The following AP3B1 variants were observed in gnomAD, a reference collection of about 807,000 sequenced individuals.
AP3B1 encodes the protein AP-3 complex subunit beta-1.
A neutral mutation model predicts 132.5 loss-of-function variants in AP3B1; 61 were observed. The ratio of observed to expected loss-of-function variants is 0.46; its 90% CI spans 0.37 to 0.57. AP3B1 has a LOEUF of 0.57. Among genes scored for constraint, AP3B1 ranks in the 20% least tolerant of loss-of-function variants. AP3B1 has a pLI of 0.00. For missense variants in AP3B1, 1,120 were observed against 1,289.4 expected (o/e 0.87, Z 2.01); for synonymous variants, 388 against 438.3 (o/e 0.89, Z 1.43).
At chr5:78,014,024 G>A (rs1481424138) in intron 26 of AP3B1, among the ~76,000 whole-genome samples, 2 of 152,134 alleles carry the variant, frequency 1.3e-5, no homozygotes, top group Non-Finnish European at 2.9e-5. Flanking sequence ...TTAGCCGGGC[G>A]TGGTGCCGGG....
chr5:78,181,094 C>G (rs779584862), intron 8 of AP3B1, among the ~76,000 whole-genome samples: 35 of 151,942 alleles, frequency 2.3e-4, no homozygotes, highest in Non-Finnish European at 4.6e-4. Flanking sequence ...TCAAGTACCC[C>G]CAATCACAAT....
intron 7 of AP3B1, among the ~76,000 whole-genome samples, chr5:78,193,766 ATATAT>A (rs1388347543): frequency 2.0e-5 from 2 of 98,306 alleles, no homozygotes; most frequent in African/African-American, 3.9e-5. Flanking sequence ...ATATATATAT[ATATAT>A]TTTTTTTTTA....
intron 7 of AP3B1, among the ~76,000 whole-genome samples, chr5:78,194,850 A>G (rs1047601288): frequency 1.3e-5 from 2 of 152,212 alleles, no homozygotes; most frequent in Admixed American, 6.5e-5. Context: ...TCCAATGGAA[A>G]ACTATTAAAT....
intron 1 of AP3B1, among the ~76,000 whole-genome samples, chr5:78,285,959 C>T (rs952257175): frequency 6.6e-6 from 1 of 152,154 alleles, no homozygotes; most frequent in Admixed American, 6.5e-5. Flanking sequence ...GTTCAAGAGG[C>T]AAAATGTCCC....
chr5:78,154,389 ACCTTTG>A (rs1743057084), intron 14 of AP3B1, among the ~76,000 whole-genome samples: 2 of 151,800 alleles, frequency 1.3e-5, no homozygotes, highest in Non-Finnish European at 2.9e-5. Context: ...CCCATCCTTG[ACCTTTG>A]GGAGTCTGAT....
intron 15 of AP3B1, among the ~76,000 whole-genome samples, chr5:78,135,516 G>A (rs983651313): frequency 6.6e-6 from 1 of 151,284 alleles, no homozygotes; most frequent in Admixed American, 6.6e-5. Context: ...AGAAGCTTGA[G>A]GTTCTAGTTC....
At chr5:78,019,382 T>C (rs1393853922) in intron 25 of AP3B1, among the ~76,000 whole-genome samples, 1 of 152,138 alleles carries the variant, frequency 6.6e-6, no homozygotes, top group African/African-American at 2.4e-5. Context: ...GCTTCAGATA[T>C]ACTTTAGCTG....
At chr5:78,232,304 T>C (rs1010995283) in intron 3 of AP3B1, among the ~76,000 whole-genome samples, 2 of 152,206 alleles carry the variant, frequency 1.3e-5, no homozygotes, top group Admixed American at 1.3e-4. Flanking sequence ...TTTAAACCTG[T>C]TCTACAGAAC....
chr5:78,267,659 A>G, intron 1 of AP3B1, 64 bp from the exon 2 acceptor site: 1 of 994,578 alleles, frequency 1.0e-6, no homozygotes. Flanking sequence ...CTTAAAATAT[A>G]TCATTTTCAT....
intron 1 of AP3B1, among the ~76,000 whole-genome samples, chr5:78,278,625 A>AAAAAAAAAG (rs1561217252): frequency 1.9e-5 from 1 of 52,250 alleles, no homozygotes; most frequent in African/African-American, 6.1e-5. Context: ...AAAAAAAAAA[A>AAAAAAAAAG]GGGGGGGGGG....
intron 1 of AP3B1, among the ~76,000 whole-genome samples, chr5:78,273,395 T>C (rs1748635186): frequency 1.3e-5 from 2 of 152,112 alleles, no homozygotes; most frequent in African/African-American, 2.4e-5. Flanking sequence ...AGTAAGAACC[T>C]ATCTCTCTCA....
intron 22 of AP3B1, chr5:78,087,569 T>C: frequency 1.0e-6 from 1 of 985,470 alleles, no homozygotes; most frequent in African/African-American, 1.7e-5. Flanking sequence ...TTGATCATTT[T>C]GTTAGCTTTT....
At chr5:78,162,367 A>C (rs1743422505) in intron 13 of AP3B1, among the ~76,000 whole-genome samples, 1 of 152,174 alleles carries the variant, frequency 6.6e-6, no homozygotes, top group Non-Finnish European at 1.5e-5. Flanking sequence ...TAATTAGGTG[A>C]ATTTCTGAGG....
intron 15 of AP3B1, among the ~76,000 whole-genome samples, chr5:78,140,471 G>A (rs1753097811): frequency 6.6e-6 from 1 of 152,140 alleles, no homozygotes; most frequent in South Asian, 2.1e-4. Context: ...CACAGTTCTG[G>A]TGTCTAGTGA....
chr5:78,037,334 A>C (rs1009335740), intron 23 of AP3B1, among the ~76,000 whole-genome samples: 2 of 152,162 alleles, frequency 1.3e-5, no homozygotes, highest in Non-Finnish European at 2.9e-5. Flanking sequence ...GTTGAATTAC[A>C]AGCAACAAAA....
intron 6 of AP3B1, among the ~76,000 whole-genome samples, chr5:78,218,143 C>T: frequency 6.6e-6 from 1 of 151,962 alleles, no homozygotes; most frequent in East Asian, 1.9e-4. Flanking sequence ...ATTTTAGATA[C>T]TTAATCATAT....
At position 78,141,200 on chromosome 5, in the gene AP3B1, C is replaced by A; in HGVS notation, c.1593G>T (p.Leu531=). 1 of 1,613,790 alleles carries A rather than the reference C, an allele frequency of 6.2e-7. No individual in the cohort carries two copies. ...MAKSFTSEDD[L]VKLQILNLGA... ...CCAGATTTAATATCTGCAGTTTTACCAGATCATCTTCACTAGTGAAGCTTT... is the reference window on the plus strand; with the variant it reads ...CCAGATTTAATATCTGCAGTTTTACAAGATCATCTTCACTAGTGAAGCTTT... The change falls in exon 15 of 27, where the codon CTG becomes CTT. Residue 531 remains leucine, a synonymous_variant. Coordinates refer to ENST00000255194, the MANE Select transcript of AP3B1 (RefSeq NM_003664.5).
chr5:78,240,771 T>G (rs1747098799), intron 3 of AP3B1, 91 bp downstream of exon 3: 1 of 849,360 alleles, frequency 1.2e-6, no homozygotes, highest in African/African-American at 1.7e-5. Flanking sequence ...CTAGTGATAC[T>G]TAAGTATCTT....
Position 78,288,483 on chromosome 5 carries a change from G to A in AP3B1, c.128+5969C>T, listed in dbSNP as rs114921636. ...CATTCCATACCTACATGACAATTCCGAGTCAGTTAATCCTAACCACAGCAA... is the reference window on the plus strand; with the variant it reads ...CATTCCATACCTACATGACAATTCCAAGTCAGTTAATCCTAACCACAGCAA... On this transcript the variant is annotated intron_variant, in intron 1 of 26. Coordinates refer to ENST00000255194, the MANE Select transcript of AP3B1 (RefSeq NM_003664.5). Among the ~76,000 whole-genome samples the A allele has an allele frequency of 6.5e-3, 989 of 152,208 alleles. 6 individuals carry two copies. Among genetic ancestry groups the A allele is most frequent in the African/African-American group, 0.022 (931 of 41,530 alleles).
Sources: gnomAD v4.1 joint callset for allele counts (sites outside exome capture counted in the v4.1 genomes callset) on GRCh38, gnomAD v4.1.1 for gene constraint, MANE v1.5 for transcripts, NCBI Gene and HGNC (gene_info 2026-07-23, HGNC 2026-07-21) for gene names.